ZBTB20: variants seen among roughly 807,000 people sequenced by gnomAD.
ZBTB20 encodes zinc finger and BTB domain containing 20.
ZBTB20 carries 9 observed loss-of-function variants against 56.9 expected under a neutral mutation model. That is an observed-to-expected ratio of 0.16 (90% confidence interval 0.10 to 0.28). The LOEUF (loss-of-function observed/expected upper bound fraction) is 0.28, where lower values mean the gene tolerates loss of function less well. ZBTB20 is among the 10% of genes least tolerant of loss of function. The pLI, the probability that ZBTB20 is intolerant of heterozygous loss-of-function variation, is 1.00. For missense variants in ZBTB20, 655 were observed against 1,003.0 expected, an observed-to-expected ratio of 0.65 and a Z score of 4.69; for synonymous variants, 417 against 420.7, an observed-to-expected ratio of 0.99 and a Z score of 0.11.
At chr3:114,710,817 C>G (rs1043632625) in intron 5 of ZBTB20, among the ~76,000 whole-genome samples, 10 of 152,140 alleles carry the variant, frequency 6.6e-5, no homozygotes. Context: ...ATCATACATG[C>G]TTAAAAAAAT....
chr3:114,373,237 G>A (rs1293892357), intron 10 of ZBTB20, among the ~76,000 whole-genome samples: 1 of 152,168 alleles, frequency 6.6e-6, no homozygotes, highest in Non-Finnish European at 1.5e-5. Context: ...TTCTTACTTT[G>A]ACTGGCTGTG....
At chr3:114,925,441 T>C (rs915378966) in intron 3 of ZBTB20, among the ~76,000 whole-genome samples, 4 of 152,252 alleles carry the variant, frequency 2.6e-5, no homozygotes, top group African/African-American at 9.6e-5. Flanking sequence ...AAGATTGTCA[T>C]CTGTTGATTT....
intron 6 of ZBTB20, among the ~76,000 whole-genome samples, chr3:114,672,637 T>A (rs375463337): frequency 6.6e-6 from 1 of 152,156 alleles, no homozygotes; most frequent in African/African-American, 2.4e-5. Context: ...ATCTAACTGT[T>A]CTCTCCTTTC....
chr3:114,616,517 C>T (rs920318139), intron 6 of ZBTB20, among the ~76,000 whole-genome samples: 2 of 152,200 alleles, frequency 1.3e-5, no homozygotes, highest in Admixed American at 1.3e-4. Flanking sequence ...AGCACAATGA[C>T]TGGCACATAA....
intron 5 of ZBTB20, among the ~76,000 whole-genome samples, chr3:114,778,641 G>T (rs923201768): frequency 4.6e-5 from 7 of 152,094 alleles, no homozygotes; most frequent in Non-Finnish European, 8.8e-5. Context: ...AGCTTAAAGA[G>T]ATTCTAGATC....
At chr3:114,984,678 G>A (rs1230979672) in intron 2 of ZBTB20, among the ~76,000 whole-genome samples, 2 of 151,998 alleles carry the variant, frequency 1.3e-5, no homozygotes, top group East Asian at 3.9e-4. Context: ...AGTTGATTCA[G>A]ATACAATCAA....
At chr3:114,843,040 CTT>C (rs2074456547) in intron 4 of ZBTB20, among the ~76,000 whole-genome samples, 1 of 152,230 alleles carries the variant, frequency 6.6e-6, no homozygotes, top group Admixed American at 6.5e-5. Flanking sequence ...CAGTCTCTCT[CTT>C]CTCTCTCTTT....
chr3:114,585,631 GC>G (rs1176469094), intron 6 of ZBTB20, among the ~76,000 whole-genome samples: 1 of 152,086 alleles, frequency 6.6e-6, no homozygotes, highest in African/African-American at 2.4e-5. Context: ...TGCCTGGTAT[GC>G]CCCCTGTACC....
chr3:115,031,381 G>GT (rs1329916724), intron 2 of ZBTB20, among the ~76,000 whole-genome samples: 9 of 151,412 alleles, frequency 5.9e-5, no homozygotes, highest in Admixed American at 5.9e-4. Context: ...AACTTATGAT[G>GT]TTTTTTATTA....
At chr3:114,398,977 C>A (rs2086575665) in intron 7 of ZBTB20, among the ~76,000 whole-genome samples, 1 of 152,166 alleles carries the variant, frequency 6.6e-6, no homozygotes, top group Non-Finnish European at 1.5e-5. Flanking sequence ...TCCCATAAAG[C>A]TCTTTTATTG....
At chr3:114,862,354 G>A (rs976049592) in intron 4 of ZBTB20, among the ~76,000 whole-genome samples, 2 of 151,722 alleles carry the variant, frequency 1.3e-5, no homozygotes, top group African/African-American at 4.8e-5. Context: ...GAAAGTGGAT[G>A]CCCAGGGAAG....
rs193068912 is a variant in ZBTB20 at position 114,340,558 on chromosome 3, G to C, written c.1805-1132C>G. ...AGGTAAATAATAATACTCAGTGCAT[G>C]AGGTATTCTTAAAGTCCATGGGTCC... On this transcript the variant is annotated intron_variant, in intron 11 of 11. Transcript: ENST00000675478. Among the ~76,000 whole-genome samples, 12 of 152,276 alleles carry C rather than the reference G, an allele frequency of 7.9e-5. No homozygotes were observed. The East Asian group carries it at 2.1e-3, about 27-fold the overall frequency.
chr3:114,682,113 A>G (rs2062011201), intron 6 of ZBTB20, among the ~76,000 whole-genome samples: 1 of 152,234 alleles, frequency 6.6e-6, no homozygotes, highest in Admixed American at 6.5e-5. Flanking sequence ...TGTGGAATAA[A>G]TCTTCACAAA....
intron 6 of ZBTB20, among the ~76,000 whole-genome samples, chr3:114,574,157 T>C (rs913069686): frequency 1.3e-5 from 2 of 152,170 alleles, no homozygotes; most frequent in Admixed American, 6.5e-5. Flanking sequence ...GTGATACATA[T>C]GGATATTCAA....
At chr3:114,844,533 A>AAAAAAC (rs2074571484) in intron 4 of ZBTB20, among the ~76,000 whole-genome samples, 1 of 139,604 alleles carries the variant, frequency 7.2e-6, no homozygotes, top group Non-Finnish European at 1.5e-5. Flanking sequence ...AAAAAAAAAA[A>AAAAAAC]AAAAAAAAAA....
At chr3:114,631,379 A>C (rs1300627116) in intron 6 of ZBTB20, among the ~76,000 whole-genome samples, 3 of 22,380 alleles carry the variant, frequency 1.3e-4, no homozygotes, top group African/African-American at 1.2e-4. Flanking sequence ...TAAATAGGTT[A>C]TTCTTTTTTT....
intron 3 of ZBTB20, among the ~76,000 whole-genome samples, chr3:114,971,084 T>C (rs1360808184): frequency 6.6e-6 from 1 of 152,194 alleles, no homozygotes; most frequent in Non-Finnish European, 1.5e-5. Context: ...ATGGTACAAT[T>C]ATGAGTATCA....
rs544145316 is a variant in ZBTB20, at chr3:114,902,479, GAT to G, written c.-455-2139_-455-2138del. ...AATACAGTTCAAAGCATTTGTGACA[GAT>G]TTGGTACATTTTAAAGCAAGAAAAC... On this transcript the variant is annotated intron_variant, in intron 3 of 11. Transcript: ENST00000675478. Among the ~76,000 whole-genome samples, 448 of 152,286 alleles carry G rather than the reference GAT, an allele frequency of 2.9e-3. 3 individuals carry two copies. The highest frequency in any genetic ancestry group is 0.01 in the African/African-American group (424 of 41,576).
At position 114,596,139 on chromosome 3, in the gene ZBTB20, TAGA is replaced by T. The variant is rs375489642; in HGVS notation, c.-294-95751_-294-95749del. Among the ~76,000 whole-genome samples, 1,226 of 152,276 alleles carry T rather than the reference TAGA, an allele frequency of 8.1e-3. 20 individuals are homozygous for T. The highest frequency in any genetic ancestry group is 0.027 in the African/African-American group (1,113 of 41,556). On this transcript the variant is annotated intron_variant, in intron 6 of 11. Transcript: ENST00000675478. Reference sequence around the variant, plus strand: ...ACACAGAAGCTATAGAGACTTCACCTAGAAGGTCTCAATGGCCTTAGAGCCATA... The same window carrying T: ...ACACAGAAGCTATAGAGACTTCACCTAGGTCTCAATGGCCTTAGAGCCATA...
Sources: allele counts gnomAD v4.1 joint callset (sites outside exome capture counted in the v4.1 genomes callset), GRCh38; gene constraint gnomAD v4.1.1; transcripts MANE v1.5; gene names NCBI Gene and HGNC (gene_info 2026-07-23, HGNC 2026-07-21).